The following SORL1 variants were observed in gnomAD, a reference collection of about 807,000 sequenced individuals.
SORL1 encodes the protein sortilin-related receptor.
A neutral mutation model predicts 273.7 loss-of-function variants in SORL1; 127 were observed. The observed-to-expected ratio is 0.46, with a 90% confidence interval of 0.40 to 0.54. SORL1 has a LOEUF of 0.54. Among genes scored for constraint, SORL1 ranks in the 20% least tolerant of loss-of-function variants. SORL1 has a pLI of 0.00. For missense variants in SORL1, 2,494 were observed against 2,846.1 expected, an observed-to-expected ratio of 0.88 and a Z score of 2.81; for synonymous variants, 1,031 against 1,067.4, an observed-to-expected ratio of 0.97 and a Z score of 0.66.
Position 121,510,844 on chromosome 11 carries a change from G to C in SORL1, c.940-2159G>C, listed in dbSNP as rs190330745. Among the ~76,000 whole-genome samples, 14 of 152,328 alleles carry C rather than the reference G, an allele frequency of 9.2e-5. No individual in the cohort carries two copies. The East Asian group carries it at 2.7e-3, about 29-fold the overall frequency. On this transcript the variant is annotated intron_variant, in intron 6 of 47. Coordinates refer to ENST00000260197, the MANE Select transcript of SORL1 (RefSeq NM_003105.6). ...GCTGTTAGCCACTGGGCACTCTGCA[G>C]GGTAGAGTGGGAGGAGGGATGTGGA...
At chr11:121,590,523 A>C in intron 30 of SORL1, 1 of 516,790 alleles carries the variant, frequency 1.9e-6, no homozygotes, top group Non-Finnish European at 3.5e-6. Flanking sequence ...TCTGCATGCT[A>C]ATAAGCCCCC....
In SORL1 at chr11:121,554,314, G is replaced by A. The variant is rs76244576; in HGVS notation, c.2439+205G>A. Among the ~76,000 whole-genome samples the A allele has an allele frequency of 1.8e-3, 275 of 152,334 alleles. 2 individuals carry two copies. Among genetic ancestry groups the A allele is most frequent in the African/African-American group, 6.3e-3 (263 of 41,576 alleles). On this transcript the variant is annotated intron_variant, in intron 17 of 47. Coordinates refer to ENST00000260197, the MANE Select transcript of SORL1 (RefSeq NM_003105.6). This position sits in a 1 kb window ranked among gnomAD's most constrained non-coding sequence, Gnocchi z 4.6. Reference sequence around the variant, plus strand: ...CATCTGTTCATATAGGAAGGATAAAGAAAGCCCTAAATCCACAGACCTGCT... The same window carrying A: ...CATCTGTTCATATAGGAAGGATAAAAAAAGCCCTAAATCCACAGACCTGCT...
intron 26 of SORL1, among the ~76,000 whole-genome samples, chr11:121,585,911 G>A (rs975985920): frequency 3.3e-5 from 5 of 152,076 alleles, no homozygotes; most frequent in Admixed American, 1.3e-4. Flanking sequence ...ACACAGTTTT[G>A]CAATGCAACA....
chr11:121,562,190 AG>A (rs1239511951), intron 21 of SORL1, among the ~76,000 whole-genome samples: 1 of 152,176 alleles, frequency 6.6e-6, no homozygotes, highest in Non-Finnish European at 1.5e-5. Flanking sequence ...CCATCAAGCA[AG>A]GGCCTGAATA....
intron 2 of SORL1, among the ~76,000 whole-genome samples, chr11:121,476,320 G>A (rs1861265914): frequency 6.6e-6 from 1 of 152,206 alleles, no homozygotes; most frequent in Admixed American, 6.5e-5. Flanking sequence ...TTTTGTGGCA[G>A]CTCCTTACTG....
intron 32 of SORL1, among the ~76,000 whole-genome samples, chr11:121,597,208 G>A (rs1025539653): frequency 2.0e-5 from 3 of 152,174 alleles, no homozygotes; most frequent in African/African-American, 7.2e-5. Flanking sequence ...GAGGGAGTCG[G>A]CCGTCCCTTC....
At chr11:121,545,710 T>C (rs924574301) in intron 14 of SORL1, among the ~76,000 whole-genome samples, 2 of 152,224 alleles carry the variant, frequency 1.3e-5, no homozygotes, top group Non-Finnish European at 2.9e-5. Flanking sequence ...TCTATTAGGG[T>C]AACCCAAAAA....
Position 121,545,473 on chromosome 11 carries a change from C to G in SORL1, c.2051+44C>G, listed in dbSNP as rs557361694. On this transcript the variant is annotated intron_variant, in intron 14 of 47. Transcript: ENST00000260197. ...GCTGGGGACTGAGTTGTGTTTTATT[C>G]ACTCAGCAGTGTTGGGGGAAGAGAT... 6.1e-5 allele frequency: 97 copies of G among 1,582,114 alleles called. No individual in the cohort carries two copies. The South Asian group carries it at 9.8e-4, about 16-fold the overall frequency.
At chr11:121,454,019 A>G (rs1177477600) in intron 1 of SORL1, among the ~76,000 whole-genome samples, 1 of 152,248 alleles carries the variant, frequency 6.6e-6, no homozygotes, top group East Asian at 1.9e-4. Flanking sequence ...AGGGCATGTA[A>G]CTAATGGTGG....
At chr11:121,605,690 A>G (rs1863459667) in intron 35 of SORL1, 119 bp downstream of exon 35, 6 of 788,914 alleles carry the variant, frequency 7.6e-6, no homozygotes, top group East Asian at 4.9e-5. Context: ...GTACAGAAGT[A>G]TGGTGGCTAA....
chr11:121,612,964 G>C (rs1863588916), intron 40 of SORL1, 132 bp downstream of exon 40: 1 of 641,564 alleles, frequency 1.6e-6, no homozygotes, highest in South Asian at 1.8e-5. Context: ...GTGTTGACAG[G>C]TTCTTGTGCA....
chr11:121,612,659 A>G, intron 39 of SORL1, 77 bp from the exon 40 acceptor site: 1 of 1,077,538 alleles, frequency 9.3e-7, no homozygotes, highest in Non-Finnish European at 1.4e-6. Flanking sequence ...AAAGAGGTGT[A>G]TTTTTAATCC....
intron 22 of SORL1, among the ~76,000 whole-genome samples, chr11:121,568,675 A>G (rs1198949776): frequency 6.6e-6 from 1 of 152,188 alleles, no homozygotes; most frequent in East Asian, 1.9e-4. Flanking sequence ...TTGAATCTGT[A>G]TGTTTTAATT....
rs147132090 is a variant in SORL1 at position 121,509,057 on chromosome 11, CT to C, written c.940-3938del. Among the ~76,000 whole-genome samples, 634 of 151,936 alleles carry C rather than the reference CT, an allele frequency of 4.2e-3. 5 individuals are homozygous for C. Among genetic ancestry groups the C allele is most frequent in the African/African-American group, 0.014 (582 of 41,436 alleles). ...CCTCTCCTTAGCTATCTACTCACTACTTTTTTTTCCCCCTGGAATATCCCAG... is the reference window on the plus strand; with the variant it reads ...CCTCTCCTTAGCTATCTACTCACTACTTTTTTTCCCCCTGGAATATCCCAG... On this transcript the variant is annotated intron_variant, in intron 6 of 47. Transcript: ENST00000260197.
At chr11:121,536,010 C>T (rs1253486963) in intron 12 of SORL1, among the ~76,000 whole-genome samples, 1 of 152,330 alleles carries the variant, frequency 6.6e-6, no homozygotes, top group East Asian at 1.9e-4. Context: ...TGCACCCTGA[C>T]CGAAGAAGAT....
In SORL1 at chr11:121,554,198, G is replaced by T; in HGVS notation, c.2439+89G>T. 1 of 1,212,982 alleles carries T rather than the reference G, an allele frequency of 8.2e-7. No homozygotes were observed. The allele number at this position is 1,212,982 out of a possible 1,614,324, so 75.1% of individuals were successfully genotyped here. ...GCATGCAGAATGGCCTATGGAAATG[G>T]GCAGTTAGAAGTTTGTAAGTGTTAC... is the stretch of plus-strand genomic sequence containing the variant. On this transcript the variant is annotated intron_variant, in intron 17 of 47. Coordinates refer to ENST00000260197, the MANE Select transcript of SORL1 (RefSeq NM_003105.6). The surrounding 1 kb of genome is among the most constrained non-coding windows in gnomAD (Gnocchi z 4.6).
rs1399251166 is a variant in SORL1 at position 121,633,260 on chromosome 11, G to A, written c.*3697G>A. On this transcript the variant is annotated 3_prime_UTR_variant, in exon 48 of 48. Coordinates refer to ENST00000260197, the MANE Select transcript of SORL1 (RefSeq NM_003105.6). ...GTATGTTTCTGCCCACTAATTTTGA[G>A]CAGCCATATTATGAATTAAATCGTC... is the stretch of plus-strand genomic sequence containing the variant. 1 of 152,146 alleles carries A rather than the reference G, an allele frequency of 6.6e-6. No individual in the cohort carries two copies. Among genetic ancestry groups the A allele is most frequent in the Non-Finnish European group, 1.5e-5 (1 of 68,044 alleles). The allele number at this position is 152,146 out of a possible 1,614,324, so 9.4% of individuals were successfully genotyped here. A position where few individuals can be genotyped will look rare whatever the true frequency, so the allele number is the denominator to read the frequency against.
chr11:121,537,131 A>C lies in SORL1; in HGVS notation c.1685+4579A>C, dbSNP rs573818298. ...GGAATGTGCACGGCTCTTGAGTATTAATAGAATGCAAATTTCCAGGTGGGA... is the reference window on the plus strand; with the variant it reads ...GGAATGTGCACGGCTCTTGAGTATTCATAGAATGCAAATTTCCAGGTGGGA... On this transcript the variant is annotated intron_variant, in intron 12 of 47. Coordinates refer to ENST00000260197, the MANE Select transcript of SORL1 (RefSeq NM_003105.6). Among the ~76,000 whole-genome samples, 7 of 152,280 alleles carry C rather than the reference A, an allele frequency of 4.6e-5. No homozygotes were observed. The East Asian group carries it at 1.4e-3, about 29-fold the overall frequency.
chr11:121,605,952 C>T (rs997016126), intron 35 of SORL1, among the ~76,000 whole-genome samples: 2 of 152,124 alleles, frequency 1.3e-5, no homozygotes, highest in African/African-American at 4.8e-5. Context: ...GACAAGGTCT[C>T]ACTCTGACAC....
Sources: allele counts gnomAD v4.1 joint callset (sites outside exome capture counted in the v4.1 genomes callset), GRCh38; gene constraint gnomAD v4.1.1; non-coding constraint Gnocchi (gnomAD v3.1); transcripts MANE v1.5; gene names NCBI Gene and HGNC (gene_info 2026-07-23, HGNC 2026-07-21).